APOO: variants seen among roughly 807,000 people sequenced by gnomAD.
The protein encoded by APOO is apolipoprotein O, also known as MICOS complex subunit MIC26.
Under a neutral mutation model 23.1 loss-of-function variants are expected in APOO, and 11 were observed. That is an observed-to-expected ratio of 0.48 (90% CI 0.30 to 0.79). The LOEUF is 0.79. Ranked by LOEUF, APOO falls within the 30% of genes least tolerant of loss-of-function variation. The probability of loss-of-function intolerance (pLI) is 0.07; values close to 1 mark genes in which losing one functional copy is unlikely to be tolerated. For missense variants in APOO, 160 were observed against 142.7 expected, an observed-to-expected ratio of 1.12 and a Z score of -0.62; for synonymous variants, 59 against 54.8, an observed-to-expected ratio of 1.08 and a Z score of -0.34.
chrX:23,862,413 C>G (rs182094521), intron 5 of APOO, among the ~76,000 whole-genome samples: 2 of 110,613 alleles, frequency 1.8e-5, no homozygotes, highest in African/African-American at 6.6e-5. Context: ...CACATAGGGT[C>G]CTTTTAAATA....
chrX:23,877,876 T>C (rs988360846), intron 3 of APOO, among the ~76,000 whole-genome samples: 5 of 112,116 alleles, frequency 4.5e-5, no homozygotes, highest in African/African-American at 1.6e-4. Flanking sequence ...TTAATTTCAA[T>C]TTTCAAAATC....
chrX:23,903,064 A>T (rs764152776), intron 1 of APOO, among the ~76,000 whole-genome samples: 12 of 112,068 alleles, frequency 1.1e-4, no homozygotes, highest in African/African-American at 3.6e-4. Context: ...AAAACTATAG[A>T]ACTAGTTAAA....
rs1925453621 is a variant in APOO, at chrX:23,868,684, G to C, written c.297C>G (p.Ser99Arg). The change falls in exon 5 of 9, where the codon AGC becomes AGG. Residue 99 changes from serine (S) to arginine (R), a missense_variant. Transcript: ENST00000379226. ...GAGGTGCATTTTGGAGATAGTCATA[G>C]CTGTCTACAATAGAATTAGACCAGG... ...MQSLVQWGLD[S>R]YDYLQNAPPG... The C allele has an allele frequency of 8.3e-7, 1 of 1,199,663 alleles. No individual in the cohort carries two copies. Among genetic ancestry groups the C allele is most frequent in the African/African-American group, 1.8e-5 (1 of 56,702 alleles).
intron 7 of APOO, among the ~76,000 whole-genome samples, chrX:23,846,297 C>A (rs1193584030): frequency 1.2e-5 from 1 of 81,897 alleles, no homozygotes; most frequent in African/African-American, 5.2e-5. Flanking sequence ...GGCGACAGAG[C>A]GAGACTCCAT....
chrX:23,881,302 C>T (rs1308789687), intron 1 of APOO, among the ~76,000 whole-genome samples: 2 of 109,007 alleles, frequency 1.8e-5, no homozygotes, highest in Non-Finnish European at 3.8e-5. Context: ...CTCGAACTCC[C>T]GACTTCAGGT....
chrX:23,843,479 CAG>C (rs1161970094), intron 7 of APOO, among the ~76,000 whole-genome samples: 1 of 109,683 alleles, frequency 9.1e-6, no homozygotes, highest in East Asian at 2.8e-4. Context: ...CATTTTCAGA[CAG>C]AGAAAGTTTT....
intron 1 of APOO, among the ~76,000 whole-genome samples, chrX:23,897,559 C>T (rs1269537772): frequency 8.9e-6 from 1 of 111,995 alleles, no homozygotes; most frequent in Non-Finnish European, 1.9e-5. Context: ...TCAATCTTTT[C>T]TGAATTAAGG....
In APOO at chrX:23,852,986, G is replaced by A. The variant is rs1343504146; in HGVS notation, c.561+3316C>T. ...AAAAAACAAAAACAAGGCCGGGCGTGGTGGCTCACGCCTGTAATCCCAGCA... is the reference window on the plus strand; with the variant it reads ...AAAAAACAAAAACAAGGCCGGGCGTAGTGGCTCACGCCTGTAATCCCAGCA... On this transcript the variant is annotated intron_variant, in intron 7 of 8. Transcript: ENST00000379226. 2.7e-5 allele frequency among the ~76,000 whole-genome samples: 3 copies of A among 110,373 alleles called. No homozygotes were observed. In the East Asian group the frequency reaches 8.5e-4, roughly 31 times the overall value.
At chrX:23,889,675 T>C (rs1926542444) in intron 1 of APOO, among the ~76,000 whole-genome samples, 1 of 100,706 alleles carries the variant, frequency 9.9e-6, no homozygotes, top group Non-Finnish European at 2.0e-5. Flanking sequence ...TTTTTTTTTT[T>C]TTTTTAAGAC....
At chrX:23,867,426 T>C (rs1242655907) in intron 5 of APOO, among the ~76,000 whole-genome samples, 1 of 111,285 alleles carries the variant, frequency 9.0e-6, no homozygotes, top group Non-Finnish European at 1.9e-5. Context: ...CACCATGTGA[T>C]GCGCCTGCTC....
intron 7 of APOO, among the ~76,000 whole-genome samples, chrX:23,843,524 T>C (rs1172840452): frequency 9.1e-6 from 1 of 109,834 alleles, no homozygotes; most frequent in Non-Finnish European, 1.9e-5. Context: ...TTTTCATACA[T>C]ATCTGATTTC....
At chrX:23,839,758 A>G (rs932150050) in intron 8 of APOO, among the ~76,000 whole-genome samples, 1 of 111,752 alleles carries the variant, frequency 8.9e-6, no homozygotes, top group African/African-American at 3.2e-5. Flanking sequence ...TTCCCATGCA[A>G]TTAAATACTG....
intron 7 of APOO, among the ~76,000 whole-genome samples, chrX:23,855,528 C>T (rs1924744837): frequency 9.1e-6 from 1 of 110,441 alleles, no homozygotes; most frequent in African/African-American, 3.3e-5. Flanking sequence ...AATGAACTTC[C>T]TTCAATCTGT....
At chrX:23,868,561 G>T in intron 5 of APOO, 32 bp downstream of exon 5, 2 of 1,101,743 alleles carry the variant, frequency 1.8e-6, no homozygotes, top group African/African-American at 1.8e-5. Flanking sequence ...TGCTTTATGA[G>T]CTGACTGTTA....
intron 8 of APOO, among the ~76,000 whole-genome samples, chrX:23,834,265 G>A (rs991201309): frequency 3.8e-5 from 4 of 106,312 alleles, no homozygotes; most frequent in South Asian, 4.3e-4. Context: ...GCATGGTGGC[G>A]GGCGCCTGTA....
intron 5 of APOO, among the ~76,000 whole-genome samples, chrX:23,866,289 G>T (rs995283057): frequency 8.9e-6 from 1 of 112,042 alleles, no homozygotes; most frequent in Non-Finnish European, 1.9e-5. Context: ...AGCTTTGCAA[G>T]AAATGAGGTG....
chrX:23,904,403 G>A (rs1376036946), intron 1 of APOO, among the ~76,000 whole-genome samples: 3 of 110,225 alleles, frequency 2.7e-5, no homozygotes, highest in African/African-American at 9.9e-5. Flanking sequence ...TTGCTCTAGA[G>A]AATGAGAAAG....
chrX:23,855,738 C>A (rs1924754056), intron 7 of APOO, among the ~76,000 whole-genome samples: 1 of 111,631 alleles, frequency 9.0e-6, no homozygotes. Flanking sequence ...CAAGTTCTTA[C>A]AATTACACAA....
chrX:23,870,098 T>C (rs951957163), intron 4 of APOO, among the ~76,000 whole-genome samples: 1 of 111,893 alleles, frequency 8.9e-6, no homozygotes, highest in Non-Finnish European at 1.9e-5. Flanking sequence ...ATAGCCACTG[T>C]TGATCGCTGT....
Sources: allele counts gnomAD v4.1 joint callset (sites outside exome capture counted in the v4.1 genomes callset), GRCh38; gene constraint gnomAD v4.1.1; transcripts MANE v1.5; gene names NCBI Gene and HGNC (gene_info 2026-07-23, HGNC 2026-07-21).